HCN1: variants seen among roughly 807,000 people sequenced by gnomAD.
HCN1 encodes the protein hyperpolarization activated cyclic nucleotide gated potassium channel 1, also known as potassium/sodium hyperpolarization-activated cyclic nucleotide-gated channel 1.
Under a neutral mutation model 78.9 loss-of-function variants are expected in HCN1, and 13 were observed. The ratio of observed to expected loss-of-function variants is 0.16; its 90% CI spans 0.11 to 0.26. The LOEUF (loss-of-function observed/expected upper bound fraction) is 0.26. Among genes scored for constraint, HCN1 ranks in the 10% least tolerant of loss-of-function variants. The pLI is 1.00. For synonymous variants in HCN1, 552 were observed against 455.5 expected (o/e 1.21, Z -2.70); for missense variants, 810 against 1,154.3 (o/e 0.70, Z 4.32).
intron 5 of HCN1, among the ~76,000 whole-genome samples, chr5:45,350,537 G>T (rs1746871337): frequency 6.6e-6 from 1 of 151,490 alleles, no homozygotes; most frequent in African/African-American, 2.4e-5. Context: ...CAATCAGGCA[G>T]GAGAAGGAAA....
At chr5:45,675,855 T>C (rs527940215) in intron 1 of HCN1, among the ~76,000 whole-genome samples, 19 of 151,936 alleles carry the variant, frequency 1.3e-4, no homozygotes, top group African/African-American at 3.4e-4. Context: ...GAATAAATGG[T>C]TGATGTCAGG....
chr5:45,282,579 A>G (rs185143133), intron 6 of HCN1, among the ~76,000 whole-genome samples: 1 of 152,322 alleles, frequency 6.6e-6, no homozygotes, highest in East Asian at 1.9e-4. Flanking sequence ...TAAATTTCAA[A>G]TTCCTTAATC....
chr5:45,374,207 A>ATATAT lies in HCN1; in HGVS notation c.1231-20966_1231-20962dup, dbSNP rs1491121668. Among the ~76,000 whole-genome samples, 228 of 103,988 alleles carry ATATAT rather than the reference A, an allele frequency of 2.2e-3. 3 individuals carry two copies. The highest frequency in any genetic ancestry group is 7.6e-3 in the African/African-American group (212 of 27,884). 68.2% of individuals were successfully genotyped at this position (103,988 alleles called of 152,430 possible). A position where few individuals can be genotyped will look rare whatever the true frequency, so the allele number is the denominator to read the frequency against. On this transcript the variant is annotated intron_variant, in intron 4 of 7. Transcript: ENST00000303230. ...ATATTATATACATTATATACATAAC[A>ATATAT]TATATATTATGTACATTATATACAT...
intron 4 of HCN1, among the ~76,000 whole-genome samples, chr5:45,367,581 G>A (rs1747261268): frequency 6.6e-6 from 1 of 151,808 alleles, no homozygotes; most frequent in Non-Finnish European, 1.5e-5. Flanking sequence ...GTTTATAAAA[G>A]AAAATTGATC....
intron 2 of HCN1, among the ~76,000 whole-genome samples, chr5:45,542,571 T>C (rs887859177): frequency 6.6e-6 from 1 of 152,148 alleles, no homozygotes; most frequent in African/African-American, 2.4e-5. Flanking sequence ...TGATGAATAC[T>C]ACAGTGGTGA....
chr5:45,266,344 G>C (rs1744855921), intron 7 of HCN1, among the ~76,000 whole-genome samples: 1 of 151,652 alleles, frequency 6.6e-6, no homozygotes, highest in Admixed American at 6.6e-5. Flanking sequence ...TTATGTCTCT[G>C]CTGAGATTAA....
chr5:45,291,312 C>A (rs1327762618), intron 6 of HCN1, among the ~76,000 whole-genome samples: 1 of 151,990 alleles, frequency 6.6e-6, no homozygotes, highest in Admixed American at 6.6e-5. Flanking sequence ...AAGATGATCA[C>A]CTTATAAATA....
intron 2 of HCN1, among the ~76,000 whole-genome samples, chr5:45,582,337 A>G (rs376173895): frequency 0.01 from 1,534 of 152,254 alleles, 71 homozygotes; most frequent in Admixed American, 0.068. Context: ...TTGTTGGTGT[A>G]TAAGAATGCT....
intron 4 of HCN1, among the ~76,000 whole-genome samples, chr5:45,372,800 T>C (rs1456229481): frequency 1.4e-5 from 2 of 141,462 alleles, no homozygotes; most frequent in African/African-American, 2.6e-5. Context: ...AATATTTACG[T>C]ATTCTATACA....
At chr5:45,407,652 TGG>T (rs1420680288) in intron 3 of HCN1, among the ~76,000 whole-genome samples, 2 of 152,092 alleles carry the variant, frequency 1.3e-5, no homozygotes, top group Non-Finnish European at 2.9e-5. Flanking sequence ...CCCAAGTAGC[TGG>T]GATTACAGGC....
intron 2 of HCN1, among the ~76,000 whole-genome samples, chr5:45,536,779 C>G (rs1742976384): frequency 6.6e-6 from 1 of 152,002 alleles, no homozygotes; most frequent in South Asian, 2.1e-4. Context: ...GAAAGAAAAT[C>G]TGGATTTTGT....
intron 6 of HCN1, among the ~76,000 whole-genome samples, chr5:45,285,570 AG>A (rs1561088635): frequency 2.0e-5 from 3 of 151,908 alleles, no homozygotes; most frequent in Non-Finnish European, 4.4e-5. Flanking sequence ...GAGTTATTAA[AG>A]GTATTTATAT....
intron 4 of HCN1, among the ~76,000 whole-genome samples, chr5:45,376,218 TTA>T (rs1178679800): frequency 5.4e-3 from 7 of 1,294 alleles, no homozygotes; most frequent in East Asian, 0.019. Flanking sequence ...ATATAATACA[TTA>T]TATATAATAT....
At chr5:45,282,617 T>A (rs1745191069) in intron 6 of HCN1, among the ~76,000 whole-genome samples, 1 of 152,208 alleles carries the variant, frequency 6.6e-6, no homozygotes, top group Non-Finnish European at 1.5e-5. Context: ...CATAATCTGG[T>A]CCGATTTCAT....
At chr5:45,284,061 T>A (rs915615273) in intron 6 of HCN1, among the ~76,000 whole-genome samples, 3 of 152,122 alleles carry the variant, frequency 2.0e-5, no homozygotes, top group Non-Finnish European at 4.4e-5. Flanking sequence ...AAATACGGCA[T>A]GTTATCACTT....
intron 1 of HCN1, among the ~76,000 whole-genome samples, chr5:45,666,116 C>T (rs1746043976): frequency 6.6e-6 from 1 of 152,070 alleles, no homozygotes; most frequent in Admixed American, 6.6e-5. Flanking sequence ...TTCTGCTGAA[C>T]TTGTGTAGCC....
chr5:45,556,647 A>G (rs1044956165), intron 2 of HCN1, among the ~76,000 whole-genome samples: 1 of 151,878 alleles, frequency 6.6e-6, no homozygotes, highest in African/African-American at 2.4e-5. Context: ...TGAATGTTTT[A>G]GTCTCCTCAC....
At chr5:45,538,770 T>TA (rs1266019400) in intron 2 of HCN1, among the ~76,000 whole-genome samples, 39 of 151,974 alleles carry the variant, frequency 2.6e-4, no homozygotes, top group Middle Eastern at 3.4e-3. Context: ...CACACAAATT[T>TA]AAAAAAAAGA....
intron 2 of HCN1, among the ~76,000 whole-genome samples, chr5:45,493,722 G>T (rs1040223340): frequency 6.6e-6 from 1 of 151,362 alleles, no homozygotes; most frequent in Admixed American, 6.6e-5. Context: ...CTAGCATTAG[G>T]TATATCCCCC....
Sources: allele counts gnomAD v4.1 joint callset (sites outside exome capture counted in the v4.1 genomes callset), GRCh38; gene constraint gnomAD v4.1.1; transcripts MANE v1.5; gene names NCBI Gene and HGNC (gene_info 2026-07-23, HGNC 2026-07-21).